PPP2R2C: variants seen among roughly 807,000 people sequenced by gnomAD.
The protein encoded by PPP2R2C is protein phosphatase 2 regulatory subunit Bgamma, also known as protein phosphatase 2, regulatory subunit B, gamma.
Under a neutral mutation model 45.3 loss-of-function variants are expected in PPP2R2C, and 10 were observed. The ratio of observed to expected loss-of-function variants is 0.22; its 90% CI spans 0.14 to 0.37. The LOEUF is 0.37. PPP2R2C is among the 10% of genes least tolerant of loss of function. The pLI is 1.00. For missense variants in PPP2R2C, 308 were observed against 619.7 expected (o/e 0.50, Z 5.34); for synonymous variants, 257 against 245.4 (o/e 1.05, Z -0.44).
chr4:6,450,018 C>A (rs1018396706), intron 1 of PPP2R2C, among the ~76,000 whole-genome samples: 8 of 152,234 alleles, frequency 5.3e-5, no homozygotes, highest in Admixed American at 2.0e-4. Context: ...TCTCTTTCAT[C>A]GAGTTGCCTG....
chr4:6,354,346 G>A (rs141955409), intron 5 of PPP2R2C, among the ~76,000 whole-genome samples: 32 of 152,124 alleles, frequency 2.1e-4, no homozygotes, highest in African/African-American at 5.3e-4. Context: ...CGAAGTTGCC[G>A]GAGCATTCCT....
intron 2 of PPP2R2C, among the ~76,000 whole-genome samples, chr4:6,511,227 G>A (rs1463739259): frequency 6.6e-6 from 1 of 151,818 alleles, no homozygotes; most frequent in Non-Finnish European, 1.5e-5. Flanking sequence ...CTCAGTACAT[G>A]TTAGTCGTTC....
At chr4:6,472,029 ATGGGGTGGGG>A (rs1183148365) in intron 1 of PPP2R2C, 121 bp downstream of exon 1, 5 of 841,842 alleles carry the variant, frequency 5.9e-6, no homozygotes, top group Admixed American at 6.5e-5. Flanking sequence ...GTGGGGTGGG[ATGGGGTGGGG>A]TGGGGTGGGG....
chr4:6,353,560 C>T (rs1712806774), intron 5 of PPP2R2C, among the ~76,000 whole-genome samples: 1 of 4,760 alleles, frequency 2.1e-4, no homozygotes, highest in Admixed American at 1.6e-3. Flanking sequence ...CAGTGACAGC[C>T]CCCCACACCG....
chr4:6,333,658 C>T lies in PPP2R2C; in HGVS notation c.864G>A (p.Lys288=). 2 of 1,614,148 alleles carry T rather than the reference C, an allele frequency of 1.2e-6. No homozygotes were observed. Among genetic ancestry groups the T allele is most frequent in the Non-Finnish European group, 1.7e-6 (2 of 1,180,014 alleles). The part of the protein sequence containing the change: ...SEIISSVSDV[K]FSHSGRYMLT... ...GCATGTAGCGGCCGCTGTGGCTGAACTTCACGTCGGACACGGAGGAGATGA... is the reference window on the plus strand; with the variant it reads ...GCATGTAGCGGCCGCTGTGGCTGAATTTCACGTCGGACACGGAGGAGATGA... The change falls in exon 7 of 9, where the codon AAG becomes AAA. Residue 288 remains lysine, a synonymous_variant. Coordinates refer to ENST00000382599, the MANE Select transcript of PPP2R2C (RefSeq NM_020416.4).
chr4:6,336,718 TCCC>T (rs1732922320), intron 6 of PPP2R2C, among the ~76,000 whole-genome samples: 1 of 37,912 alleles, frequency 2.6e-5, no homozygotes, highest in African/African-American at 2.1e-4. Context: ...CCTCCCTCCC[TCCC>T]TCCCTCCTTC....
At chr4:6,480,503 G>T (rs55761992) in intron 2 of PPP2R2C, among the ~76,000 whole-genome samples, 6,356 of 152,202 alleles carry the variant, frequency 0.042, 181 homozygotes, top group African/African-American at 0.081. Context: ...TGGATAGCAG[G>T]TTGTTAAATA....
At chr4:6,421,013 G>A in intron 1 of PPP2R2C, 1 of 985,266 alleles carries the variant, frequency 1.0e-6, no homozygotes. Context: ...TGCCTGAGGA[G>A]GGCTTCGTGG....
At chr4:6,535,560 C>T (rs1043825201) in intron 1 of PPP2R2C, among the ~76,000 whole-genome samples, 2 of 152,212 alleles carry the variant, frequency 1.3e-5, no homozygotes, top group Admixed American at 1.3e-4. Context: ...GCAGGAGCCG[C>T]CTGAGCCTCA....
At chr4:6,371,880 C>G (rs1714854841) in intron 5 of PPP2R2C, among the ~76,000 whole-genome samples, 1 of 152,228 alleles carries the variant, frequency 6.6e-6, no homozygotes, top group African/African-American at 2.4e-5. Context: ...CAGCAACCTG[C>G]CTGCCCGCCC....
chr4:6,417,771 G>A (rs1577166299), intron 1 of PPP2R2C, among the ~76,000 whole-genome samples: 2 of 152,324 alleles, frequency 1.3e-5, no homozygotes, highest in East Asian at 3.9e-4. Context: ...TCGGCTGCGT[G>A]GGGGGCATGG....
chr4:6,526,209 C>T (rs1052723139), intron 2 of PPP2R2C, among the ~76,000 whole-genome samples: 1 of 152,222 alleles, frequency 6.6e-6, no homozygotes, highest in South Asian at 2.1e-4. Context: ...CACACGTCTC[C>T]GTGAATATTC....
At chr4:6,419,253 A>G (rs1362034899) in intron 1 of PPP2R2C, among the ~76,000 whole-genome samples, 3 of 152,084 alleles carry the variant, frequency 2.0e-5, no homozygotes, top group African/African-American at 7.2e-5. Flanking sequence ...CCCCATCTCT[A>G]CTAAAAACAC....
chr4:6,448,896 C>A (rs1459378146), intron 1 of PPP2R2C, among the ~76,000 whole-genome samples: 1 of 152,206 alleles, frequency 6.6e-6, no homozygotes, highest in Admixed American at 6.5e-5. Flanking sequence ...CTGACCCCAG[C>A]AGGTGGGGGC....
chr4:6,361,042 C>T (rs1010827458), intron 5 of PPP2R2C, among the ~76,000 whole-genome samples: 10 of 152,218 alleles, frequency 6.6e-5, no homozygotes, highest in African/African-American at 2.4e-4. Flanking sequence ...CTTTAAGGCC[C>T]TGTCTCCAAA....
chr4:6,325,758 G>A (rs1430905422), intron 8 of PPP2R2C, among the ~76,000 whole-genome samples: 1 of 152,180 alleles, frequency 6.6e-6, no homozygotes, highest in Non-Finnish European at 1.5e-5. Context: ...TTAAATTCCA[G>A]AAGGTTCCCT....
intron 1 of PPP2R2C, among the ~76,000 whole-genome samples, chr4:6,394,087 A>G (rs1716851696): frequency 1.3e-5 from 2 of 152,182 alleles, no homozygotes; most frequent in African/African-American, 4.8e-5. Context: ...CTTCTCTCCT[A>G]AAGACGAAGC....
At chr4:6,556,550 C>G (rs1725406947) in intron 1 of PPP2R2C, among the ~76,000 whole-genome samples, 1 of 152,230 alleles carries the variant, frequency 6.6e-6, no homozygotes, top group Non-Finnish European at 1.5e-5. Context: ...GGCCCTGTTT[C>G]TCTGAAGAAC....
At chr4:6,363,032 G>A (rs1343180932) in intron 5 of PPP2R2C, among the ~76,000 whole-genome samples, 1 of 152,194 alleles carries the variant, frequency 6.6e-6, no homozygotes, top group Non-Finnish European at 1.5e-5. Context: ...TCAGAACACC[G>A]TGTGACACAG....
Sources: allele counts gnomAD v4.1 joint callset (sites outside exome capture counted in the v4.1 genomes callset), GRCh38; gene constraint gnomAD v4.1.1; transcripts MANE v1.5; gene names NCBI Gene and HGNC (gene_info 2026-07-23, HGNC 2026-07-21).